APP: variants seen among roughly 807,000 people sequenced by gnomAD.
APP encodes the protein amyloid-beta precursor protein.
Under a neutral mutation model 101.4 loss-of-function variants are expected in APP, and 31 were observed. The observed-to-expected ratio is 0.31, with a 90% CI of 0.23 to 0.41. The LOEUF is 0.41. Among genes scored for constraint, APP ranks in the 10% least tolerant of loss-of-function variants. APP has a pLI of 1.00. For missense variants in APP, 839 were observed against 1,003.7 expected (o/e 0.84, Z 2.22); for synonymous variants, 366 against 364.4 (o/e 1.00, Z -0.05).
intron 2 of APP, among the ~76,000 whole-genome samples, chr21:26,102,008 G>A (rs1294945249): frequency 1.3e-5 from 2 of 151,220 alleles, no homozygotes; most frequent in Non-Finnish European, 2.9e-5. Context: ...ATAGATTCTT[G>A]AGATGTAGAA....
At chr21:25,914,592 C>G (rs886674886) in intron 13 of APP, among the ~76,000 whole-genome samples, 1 of 132,304 alleles carries the variant, frequency 7.6e-6, no homozygotes, top group East Asian at 2.2e-4. Flanking sequence ...CTTGCTCTGT[C>G]GCCCAGGCTG....
chr21:25,987,351 G>A (rs189033444), intron 8 of APP, among the ~76,000 whole-genome samples: 63 of 152,248 alleles, frequency 4.1e-4, no homozygotes, highest in African/African-American at 1.4e-3. Context: ...GACTTAAAAC[G>A]AGACAAAACA....
At chr21:26,104,172 A>T (rs745675308) in intron 2 of APP, among the ~76,000 whole-genome samples, 1 of 152,046 alleles carries the variant, frequency 6.6e-6, no homozygotes, top group Non-Finnish European at 1.5e-5. Flanking sequence ...CATACTCATG[A>T]CCTCATCTAA....
At chr21:26,008,397 G>A (rs1467997477) in intron 6 of APP, among the ~76,000 whole-genome samples, 11 of 152,156 alleles carry the variant, frequency 7.2e-5, no homozygotes, top group Admixed American at 7.2e-4. Context: ...GCGTGCAACA[G>A]GCTATTAACA....
intron 17 of APP, among the ~76,000 whole-genome samples, chr21:25,887,182 C>T (rs564821102): frequency 4.7e-4 from 71 of 152,182 alleles, no homozygotes; most frequent in Non-Finnish European, 9.1e-4. Context: ...AGCTACAATA[C>T]GTATTTTTAA....
At chr21:26,068,449 TC>T (rs1210298885) in intron 3 of APP, 1 of 151,898 alleles carries the variant, frequency 6.6e-6, no homozygotes, top group Non-Finnish European at 1.5e-5. Context: ...CACTGCAGCC[TC>T]CTGGGCTCAG....
At chr21:25,908,485 T>A (rs963387702) in intron 14 of APP, among the ~76,000 whole-genome samples, 1 of 152,178 alleles carries the variant, frequency 6.6e-6, no homozygotes. Context: ...GGTGTATGTG[T>A]GTGTGTGTGC....
chr21:26,041,834 C>T (rs909403244), intron 5 of APP, among the ~76,000 whole-genome samples: 2 of 2,282 alleles, frequency 8.8e-4, no homozygotes, highest in African/African-American at 4.0e-3. Flanking sequence ...ATACAGGAAT[C>T]GAGCATTTCT....
intron 5 of APP, among the ~76,000 whole-genome samples, chr21:26,036,696 C>T (rs2045126535): frequency 1.3e-5 from 2 of 152,136 alleles, no homozygotes; most frequent in South Asian, 4.1e-4. Context: ...TACTAATATA[C>T]ATGTTGGGTA....
Position 26,015,454 on chromosome 21 carries a change from T to A in APP, c.865+6386A>T, listed in dbSNP as rs150491979. 1.6e-3 allele frequency among the ~76,000 whole-genome samples: 246 copies of A among 152,318 alleles called. 1 individual carries two copies. Among genetic ancestry groups the A allele is most frequent in the African/African-American group, 5.7e-3 (236 of 41,562 alleles). ...TTCAAGGTTATTTGATTTATACAAA[T>A]TTACACAGTTAGTAGCTTGTAAGGC... On this transcript the variant is annotated intron_variant, in intron 6 of 17. Coordinates refer to ENST00000346798, the MANE Select transcript of APP (RefSeq NM_000484.4).
intron 7 of APP, among the ~76,000 whole-genome samples, 198 bp from the exon 8 acceptor site, chr21:25,997,614 G>A (rs2043108552): frequency 6.6e-6 from 1 of 152,084 alleles, no homozygotes; most frequent in Non-Finnish European, 1.5e-5. Flanking sequence ...TGAGAATGCT[G>A]GATATTTTGT....
chr21:25,994,317 C>T (rs749164234), intron 8 of APP, among the ~76,000 whole-genome samples: 5 of 151,756 alleles, frequency 3.3e-5, no homozygotes, highest in Non-Finnish European at 7.4e-5. Flanking sequence ...ATTCTTTATC[C>T]CAAATGAGAA....
At chr21:25,971,205 A>G (rs978290993) in intron 11 of APP, among the ~76,000 whole-genome samples, 16 of 143,272 alleles carry the variant, frequency 1.1e-4, no homozygotes, top group African/African-American at 4.2e-4. Flanking sequence ...GCGCCACCAC[A>G]CCTGGCTAAT....
At chr21:25,989,914 A>G (rs1386052917) in intron 8 of APP, among the ~76,000 whole-genome samples, 1 of 133,314 alleles carries the variant, frequency 7.5e-6, no homozygotes, top group Non-Finnish European at 1.5e-5. Context: ...TTAAAAAAAA[A>G]GTGTCTCTAA....
chr21:26,136,202 A>AAAGAAAGAAAAAGAAAGAAAGAAAG (rs137962980), intron 1 of APP, among the ~76,000 whole-genome samples: 2 of 100,702 alleles, frequency 2.0e-5, no homozygotes, highest in Admixed American at 1.1e-4. Context: ...AGAAAGAAAG[A>AAAGAAAGAAAAAGAAAGAAAGAAAG]AAAGAAAAGA....
chr21:26,123,456 GA>G (rs2062617022), intron 1 of APP, among the ~76,000 whole-genome samples: 1 of 152,108 alleles, frequency 6.6e-6, no homozygotes, highest in African/African-American at 2.4e-5. Context: ...TGCAGACTTG[GA>G]ACACTAAAGA....
chr21:26,105,050 G>C (rs1275428344), intron 2 of APP, among the ~76,000 whole-genome samples: 2 of 131,020 alleles, frequency 1.5e-5, no homozygotes, highest in Non-Finnish European at 3.1e-5. Context: ...GTAACTAATG[G>C]TTTCCACGCA....
intron 13 of APP, among the ~76,000 whole-genome samples, chr21:25,945,053 C>T (rs2040746577): frequency 6.6e-6 from 1 of 152,188 alleles, no homozygotes; most frequent in South Asian, 2.1e-4. Flanking sequence ...AGGCTCCATC[C>T]ATTTGGTTGA....
At chr21:25,958,406 AGCT>A (rs2041419534) in intron 11 of APP, among the ~76,000 whole-genome samples, 1 of 152,146 alleles carries the variant, frequency 6.6e-6, no homozygotes, top group African/African-American at 2.4e-5. Flanking sequence ...TCTCCTGAGT[AGCT>A]GGGACTACAG....
Sources: allele counts gnomAD v4.1 joint callset (sites outside exome capture counted in the v4.1 genomes callset), GRCh38; gene constraint gnomAD v4.1.1; transcripts MANE v1.5; gene names NCBI Gene and HGNC (gene_info 2026-07-23, HGNC 2026-07-21).